RBFOX1: variants seen among roughly 807,000 people sequenced by gnomAD.
The protein encoded by RBFOX1 is RNA binding fox-1 homolog 1.
In RBFOX1, 8 loss-of-function variants were observed where a neutral mutation model predicts 57.7. The ratio of observed to expected loss-of-function variants is 0.14; its 90% CI spans 0.08 to 0.25. RBFOX1 has a LOEUF of 0.25. Ranked by LOEUF, RBFOX1 falls within the 10% of genes least tolerant of loss-of-function variation. RBFOX1 has a pLI of 1.00. For synonymous variants in RBFOX1, 326 were observed against 222.4 expected (o/e 1.47, Z -4.15); for missense variants, 611 against 548.5 (o/e 1.11, Z -1.14).
rs187893801 is a variant in RBFOX1 at position 6,645,130 on chromosome 16, A to C, written c.-63-9473A>C. ...ACATGACTTGTAGCAGCATCTCTCT[A>C]ATCCCCACCTGTCTTCACATGGCTT... On this transcript the variant is annotated intron_variant, in intron 2 of 15. Coordinates refer to ENST00000550418, the MANE Select transcript of RBFOX1 (RefSeq NM_018723.4). Among the ~76,000 whole-genome samples the C allele has an allele frequency of 2.3e-3, 353 of 152,226 alleles. 1 individual carries two copies. The highest frequency in any genetic ancestry group is 0.022 in the South Asian group (104 of 4,810).
intron 1 of RBFOX1, among the ~76,000 whole-genome samples, chr16:5,331,852 G>A (rs369490876): frequency 1.9e-4 from 29 of 152,282 alleles, no homozygotes; most frequent in African/African-American, 6.3e-4. Context: ...GCCCACCCTG[G>A]GCACCAACCC....
intron 11 of RBFOX1, among the ~76,000 whole-genome samples, chr16:7,645,482 C>T (rs1277632204): frequency 6.6e-6 from 1 of 152,158 alleles, no homozygotes; most frequent in Admixed American, 6.5e-5. Flanking sequence ...TTTTTATCGA[C>T]ACTTTTGCAT....
At chr16:7,647,509 G>A (rs1429976573) in intron 11 of RBFOX1, among the ~76,000 whole-genome samples, 1 of 151,038 alleles carries the variant, frequency 6.6e-6, no homozygotes, top group Admixed American at 6.6e-5. Flanking sequence ...CTTATTGATG[G>A]TCTGCTTACA....
chr16:5,922,113 A>G (rs1597802856), intron 4 of RBFOX1, among the ~76,000 whole-genome samples: 1 of 152,134 alleles, frequency 6.6e-6, no homozygotes, highest in African/African-American at 2.4e-5. Context: ...GTGAGCTCTG[A>G]TCGCACCACT....
At chr16:5,704,373 G>T (rs1171882880) in intron 3 of RBFOX1, among the ~76,000 whole-genome samples, 1 of 152,090 alleles carries the variant, frequency 6.6e-6, no homozygotes, top group African/African-American at 2.4e-5. Context: ...AGCACACAGA[G>T]GGGCCCTGGG....
intron 4 of RBFOX1, among the ~76,000 whole-genome samples, chr16:7,221,757 C>G (rs1373297725): frequency 6.6e-6 from 1 of 152,172 alleles, no homozygotes; most frequent in Non-Finnish European, 1.5e-5. Context: ...CAATGGCCAT[C>G]AAAGTTTGTT....
intron 2 of RBFOX1, among the ~76,000 whole-genome samples, chr16:6,365,360 A>T (rs1201973549): frequency 6.7e-6 from 1 of 150,340 alleles, no homozygotes; most frequent in African/African-American, 2.4e-5. Context: ...GGATGGATAG[A>T]CGGATGAGTG....
chr16:7,624,915 T>C (rs1239181804), intron 10 of RBFOX1, among the ~76,000 whole-genome samples: 1 of 152,098 alleles, frequency 6.6e-6, no homozygotes, highest in African/African-American at 2.4e-5. Context: ...GGAGTGGTTT[T>C]AAGGAGCGAA....
intron 2 of RBFOX1, among the ~76,000 whole-genome samples, chr16:6,624,146 C>G (rs1336360337): frequency 6.6e-6 from 1 of 152,010 alleles, no homozygotes; most frequent in Non-Finnish European, 1.5e-5. Context: ...TATAAGTATG[C>G]AAAGGAACAC....
At chr16:6,144,724 G>A (rs938246715) in intron 1 of RBFOX1, among the ~76,000 whole-genome samples, 2 of 152,196 alleles carry the variant, frequency 1.3e-5, no homozygotes, top group Non-Finnish European at 2.9e-5. Context: ...TCTTTGTTTA[G>A]CCTTGATGGA....
At chr16:5,905,214 G>C (rs150885574) in intron 4 of RBFOX1, among the ~76,000 whole-genome samples, 1,627 of 151,276 alleles carry the variant, frequency 0.011, 37 homozygotes, top group African/African-American at 0.037. Context: ...ATTATAGGTG[G>C]GTGCCACCAC....
chr16:5,986,972 G>A (rs562825711), intron 4 of RBFOX1, among the ~76,000 whole-genome samples: 11 of 152,276 alleles, frequency 7.2e-5, no homozygotes, highest in Non-Finnish European at 1.2e-4. Flanking sequence ...GTGGCTAAGC[G>A]GTTTTACATT....
At chr16:7,460,930 A>G (rs1598974304) in intron 4 of RBFOX1, among the ~76,000 whole-genome samples, 1 of 152,262 alleles carries the variant, frequency 6.6e-6, no homozygotes, top group East Asian at 1.9e-4. Flanking sequence ...CTTGGACCAC[A>G]TTTTGAGACC....
intron 2 of RBFOX1, among the ~76,000 whole-genome samples, chr16:6,646,578 C>A (rs747686051): frequency 6.6e-6 from 1 of 151,932 alleles, no homozygotes; most frequent in Non-Finnish European, 1.5e-5. Context: ...AAATCATAAT[C>A]GGATATGGAC....
At chr16:6,780,231 T>A (rs867721013) in intron 3 of RBFOX1, among the ~76,000 whole-genome samples, 3 of 70,444 alleles carry the variant, frequency 4.3e-5, no homozygotes, top group African/African-American at 1.3e-4. Flanking sequence ...ATATATATAT[T>A]TATATATATT....
intron 4 of RBFOX1, among the ~76,000 whole-genome samples, chr16:7,399,401 C>T (rs900662781): frequency 6.6e-6 from 1 of 152,160 alleles, no homozygotes; most frequent in South Asian, 2.1e-4. Flanking sequence ...GAGCCGGGAT[C>T]AGACTGTTGC....
At chr16:6,300,007 C>T (rs1309404377) in intron 1 of RBFOX1, among the ~76,000 whole-genome samples, 5 of 152,172 alleles carry the variant, frequency 3.3e-5, no homozygotes. Flanking sequence ...TACCATTCAG[C>T]TTCAAAAGAC....
intron 3 of RBFOX1, among the ~76,000 whole-genome samples, chr16:7,001,459 C>T (rs562427876): frequency 6.7e-5 from 8 of 119,154 alleles, no homozygotes; most frequent in South Asian, 3.2e-4. Flanking sequence ...TATATGTATA[C>T]GTGTATGTAT....
intron 3 of RBFOX1, among the ~76,000 whole-genome samples, chr16:6,792,848 G>A (rs1184756601): frequency 1.3e-5 from 2 of 152,184 alleles, no homozygotes; most frequent in South Asian, 2.1e-4. Context: ...GGACAAGATG[G>A]TGAAACCCTG....
Sources: gnomAD v4.1 joint callset for allele counts (sites outside exome capture counted in the v4.1 genomes callset) on GRCh38, gnomAD v4.1.1 for gene constraint, MANE v1.5 for transcripts, NCBI Gene and HGNC (gene_info 2026-07-23, HGNC 2026-07-21) for gene names.